The following GREB1L variants were observed in gnomAD, a reference collection of about 807,000 sequenced individuals.
GREB1L encodes the protein GREB1 like retinoic acid receptor coactivator, also known as GREB1-like protein.
GREB1L carries 17 observed loss-of-function variants against 200.8 expected under a neutral mutation model. That is an observed-to-expected ratio of 0.08 (90% CI 0.06 to 0.13). The LOEUF (loss-of-function observed/expected upper bound fraction) is 0.13, where lower values mean the gene tolerates loss of function less well. Ranked by LOEUF, GREB1L falls within the 10% of genes least tolerant of loss-of-function variation. The probability of loss-of-function intolerance (pLI) is 1.00; values close to 1 mark genes in which losing one functional copy is unlikely to be tolerated. For missense variants in GREB1L, 1,657 were observed against 2,367.7 expected, an observed-to-expected ratio of 0.70 and a Z score of 6.23; for synonymous variants, 789 against 893.0, an observed-to-expected ratio of 0.88 and a Z score of 2.08.
At chr18:21,244,749 C>T (rs1451079006) in intron 1 of GREB1L, among the ~76,000 whole-genome samples, 1 of 152,170 alleles carries the variant, frequency 6.6e-6, no homozygotes, top group African/African-American at 2.4e-5. Context: ...TCCTTACCCA[C>T]AGAATGTGTG....
In GREB1L at chr18:21,284,479, G is replaced by A. The variant is rs184647346; in HGVS notation, c.-120+42086G>A. ...TCTTTTACTGAACATAGTTTTCAGAGTTCATCCATGTACTAATACTTCATT... is the reference window on the plus strand; with the variant it reads ...TCTTTTACTGAACATAGTTTTCAGAATTCATCCATGTACTAATACTTCATT... On this transcript the variant is annotated intron_variant, in intron 1 of 32. Transcript: ENST00000424526. 1.5e-3 allele frequency among the ~76,000 whole-genome samples: 231 copies of A among 152,298 alleles called. 3 individuals carry two copies. The highest frequency in any genetic ancestry group is 5.4e-3 in the African/African-American group (224 of 41,572).
intron 1 of GREB1L, among the ~76,000 whole-genome samples, chr18:21,337,981 C>T (rs564947824): frequency 4.0e-5 from 6 of 151,476 alleles, no homozygotes; most frequent in Admixed American, 3.3e-4. Context: ...AGCAAGACTC[C>T]GTCTCAAAAA....
rs554140247 is a variant in GREB1L at position 21,522,835 on chromosome 18, C to CAT, written c.*14_*15insAT. On this transcript the variant is annotated 3_prime_UTR_variant, in exon 33 of 33. Coordinates refer to ENST00000424526, the MANE Select transcript of GREB1L (RefSeq NM_001142966.3). Reference sequence around the variant, plus strand: ...CGTCATGTATGAGCTTTTGAAGAGACCAAAACAGCAAAAAGATGCCTAGGT... The same window carrying CAT: ...CGTCATGTATGAGCTTTTGAAGAGACATCAAAACAGCAAAAAGATGCCTAGGT... 5.2e-6 allele frequency: 8 copies of CAT among 1,528,744 alleles called. No homozygotes were observed. The highest frequency in any genetic ancestry group is 6.2e-6 in the Non-Finnish European group (7 of 1,136,122). 94.7% of individuals were successfully genotyped at this position (1,528,744 alleles called of 1,614,324 possible).
chr18:21,295,535 C>T (rs1316129804), intron 1 of GREB1L, among the ~76,000 whole-genome samples: 4 of 152,000 alleles, frequency 2.6e-5, no homozygotes, highest in Admixed American at 6.5e-5. Context: ...TTTTCAGATG[C>T]GGAAGAACTC....
chr18:21,495,858 G>C, intron 20 of GREB1L, 73 bp downstream of exon 20: 1 of 775,696 alleles, frequency 1.3e-6, no homozygotes, highest in Non-Finnish European at 2.1e-6. Flanking sequence ...TTGGCTGATG[G>C]CCCAGTCATT....
intron 11 of GREB1L, among the ~76,000 whole-genome samples, chr18:21,448,582 T>G (rs563581537): frequency 2.1e-4 from 32 of 152,304 alleles, no homozygotes; most frequent in Non-Finnish European, 3.5e-4. Flanking sequence ...GGCTGTTGCT[T>G]GGTCTCAGAT....
intron 15 of GREB1L, among the ~76,000 whole-genome samples, chr18:21,462,622 G>A (rs1432638292): frequency 1.3e-5 from 2 of 152,084 alleles, no homozygotes; most frequent in East Asian, 1.9e-4. Context: ...GCTAATTTTT[G>A]TATTTTTGGT....
intron 1 of GREB1L, among the ~76,000 whole-genome samples, chr18:21,301,686 C>G (rs1183214224): frequency 6.6e-6 from 1 of 152,146 alleles, no homozygotes; most frequent in Non-Finnish European, 1.5e-5. Flanking sequence ...TTAGATAAAT[C>G]CTCATCAGTC....
At chr18:21,468,950 A>G in intron 15 of GREB1L, 1 of 344,540 alleles carries the variant, frequency 2.9e-6, no homozygotes, top group South Asian at 2.3e-5. Flanking sequence ...CATGTCAGGG[A>G]GTACATGAGG....
At chr18:21,282,157 C>T (rs2038280789) in intron 1 of GREB1L, among the ~76,000 whole-genome samples, 1 of 152,004 alleles carries the variant, frequency 6.6e-6, no homozygotes, top group Admixed American at 6.6e-5. Context: ...GTGCCTGTAG[C>T]CCCAGCTACT....
At chr18:21,506,184 A>G (rs1312947384) in intron 25 of GREB1L, among the ~76,000 whole-genome samples, 3 of 152,146 alleles carry the variant, frequency 2.0e-5, no homozygotes, top group African/African-American at 7.2e-5. Context: ...ACCTGAGGTC[A>G]GAAGTTCGTG....
At chr18:21,319,464 T>C (rs1216411676) in intron 1 of GREB1L, among the ~76,000 whole-genome samples, 2 of 152,372 alleles carry the variant, frequency 1.3e-5, no homozygotes, top group East Asian at 3.9e-4. Context: ...TCTTATATTG[T>C]ATTTTCAGAG....
At chr18:21,337,144 G>A (rs2039197537) in intron 1 of GREB1L, among the ~76,000 whole-genome samples, 1 of 152,124 alleles carries the variant, frequency 6.6e-6, no homozygotes, top group Non-Finnish European at 1.5e-5. Flanking sequence ...ATTATTGAAA[G>A]CTTGGTTAAA....
intron 22 of GREB1L, 38 bp from the exon 23 acceptor site, chr18:21,500,502 C>T (rs1029828038): frequency 1.4e-5 from 19 of 1,403,148 alleles, no homozygotes; most frequent in Admixed American, 6.0e-5. Context: ...CTCTCTTTCC[C>T]GCCTCCACTC....
chr18:21,283,037 A>T (rs1003890138), intron 1 of GREB1L, among the ~76,000 whole-genome samples: 4 of 152,318 alleles, frequency 2.6e-5, no homozygotes, highest in African/African-American at 9.6e-5. Context: ...GCATACTTTT[A>T]TGCATTTAGC....
chr18:21,434,499 A>ATATATATATG (rs1392320151), intron 7 of GREB1L, among the ~76,000 whole-genome samples: 3 of 127,282 alleles, frequency 2.4e-5, no homozygotes, highest in African/African-American at 1.0e-4. Context: ...ATATATATAT[A>ATATATATATG]TGTGTGTGTG....
rs753203271 is a variant in GREB1L, at chr18:21,414,877, A to T, written c.832+10883A>T. Among the ~76,000 whole-genome samples the T allele has an allele frequency of 5.2e-4, 79 of 152,308 alleles. 1 individual carries two copies. The highest frequency in any genetic ancestry group is 3.4e-3 in the Middle Eastern group (1 of 292). ...AACAAAATACAGACAAAAATACATT[A>T]AAAAAATTTTAAATACACTATTCAT... On this transcript the variant is annotated intron_variant, in intron 7 of 32. Transcript: ENST00000424526.
intron 1 of GREB1L, among the ~76,000 whole-genome samples, chr18:21,304,882 C>T (rs2038675607): frequency 6.6e-6 from 1 of 152,156 alleles, no homozygotes; most frequent in Admixed American, 6.5e-5. Flanking sequence ...ACATGGCTGA[C>T]TTCTTCCTGT....
chr18:21,253,847 T>TTC (rs1205511035), intron 1 of GREB1L, among the ~76,000 whole-genome samples: 27 of 149,166 alleles, frequency 1.8e-4, no homozygotes, highest in African/African-American at 5.7e-4. Flanking sequence ...TTTTTTTTTT[T>TTC]CCCCTTAGAG....
Sources: allele counts gnomAD v4.1 joint callset (sites outside exome capture counted in the v4.1 genomes callset), GRCh38; gene constraint gnomAD v4.1.1; transcripts MANE v1.5; gene names NCBI Gene and HGNC (gene_info 2026-07-23, HGNC 2026-07-21).